USP32: variants seen among roughly 807,000 people sequenced by gnomAD.
The protein encoded by USP32 is ubiquitin specific peptidase 32.
USP32 carries 59 observed loss-of-function variants against 204.8 expected under a neutral mutation model. That is an observed-to-expected ratio of 0.29 (90% CI 0.23 to 0.36). USP32 has a LOEUF of 0.36. USP32 is among the 10% of genes least tolerant of loss of function. The pLI is 1.00. For synonymous variants in USP32, 517 were observed against 678.4 expected, an observed-to-expected ratio of 0.76 and a Z score of 3.70; for missense variants, 1,160 against 1,946.4, an observed-to-expected ratio of 0.60 and a Z score of 7.60.
At chr17:60,353,817 G>A (rs1214729393) in intron 1 of USP32, among the ~76,000 whole-genome samples, 2 of 152,208 alleles carry the variant, frequency 1.3e-5, no homozygotes, top group Non-Finnish European at 2.9e-5. Context: ...AGAACTCACT[G>A]TCCATGAAAG....
chr17:60,376,803 G>A (rs1379013747), intron 1 of USP32, among the ~76,000 whole-genome samples: 1 of 151,944 alleles, frequency 6.6e-6, no homozygotes, highest in African/African-American at 2.4e-5. Context: ...ATTACAGGTT[G>A]AGCCACCACA....
chr17:60,209,440 C>A lies in USP32; in HGVS notation c.2528G>T (p.Arg843Leu). 1 of 1,588,302 alleles carries A rather than the reference C, an allele frequency of 6.3e-7. No individual in the cohort carries two copies. The highest frequency in any genetic ancestry group is 8.5e-7 in the Non-Finnish European group (1 of 1,170,504). ...TTCCACATATGGCTTTTCATGGACT[C>A]GATTAAGATCTTCATGAAGACCATC... ...LLDGLHEDLN[R>L]VHEKPYVELK... Residue 843 changes from arginine to leucine, a missense_variant, in exon 22 of 34, where the codon CGA becomes CTA. Around this residue, in one of 8 missense-constraint regions of USP32, gnomAD observed 132 missense variants for 432.8 expected, o/e 0.30. Transcript: ENST00000300896.
intron 1 of USP32, among the ~76,000 whole-genome samples, chr17:60,413,989 T>C (rs548645488): frequency 1.1e-4 from 17 of 152,174 alleles, no homozygotes; most frequent in Non-Finnish European, 2.2e-4. Context: ...CAGTCCTCTG[T>C]TCCCCCTTAT....
chr17:60,179,375 C>T lies in USP32; in HGVS notation c.4695G>A (p.Glu1565=). The change falls in exon 34 of 34, where the codon GAG becomes GAA. Residue 1565 remains glutamate (E), a synonymous_variant. Coordinates refer to ENST00000300896, the MANE Select transcript of USP32 (RefSeq NM_032582.4). Reference sequence around the variant, plus strand: ...ATTGTGCATAGTCTATCCCCTGCTGCTCATAGAAAAGAATGTAGGCAGAGT... The same window carrying T: ...ATTGTGCATAGTCTATCCCCTGCTGTTCATAGAAAAGAATGTAGGCAGAGT... The part of the protein sequence containing the change: ...DTDSAYILFY[E]QQGIDYAQFL... 2 of 1,613,306 alleles carry T rather than the reference C, an allele frequency of 1.2e-6. No homozygotes were observed. The highest frequency in any genetic ancestry group is 1.7e-6 in the Non-Finnish European group (2 of 1,179,856).
chr17:60,231,576 G>A (rs1001103471), intron 12 of USP32: 4 of 518,112 alleles, frequency 7.7e-6, no homozygotes, highest in Middle Eastern at 3.2e-4. Flanking sequence ...GACGATCCTC[G>A]AGGGCTGCTC....
intron 28 of USP32, among the ~76,000 whole-genome samples, chr17:60,191,887 C>G (rs1251808583): frequency 6.6e-6 from 1 of 152,156 alleles, no homozygotes; most frequent in African/African-American, 2.4e-5. Context: ...GGCACTTTCC[C>G]TGTTGTAACA....
chr17:60,413,134 AT>A (rs2143091089), intron 1 of USP32, among the ~76,000 whole-genome samples: 1 of 152,336 alleles, frequency 6.6e-6, no homozygotes, highest in African/African-American at 2.4e-5. Flanking sequence ...AGTACAAAAC[AT>A]TTTTGAAAAC....
intron 11 of USP32, among the ~76,000 whole-genome samples, chr17:60,247,176 C>T (rs1220120462): frequency 6.6e-6 from 1 of 151,266 alleles, no homozygotes; most frequent in Non-Finnish European, 1.5e-5. Flanking sequence ...TCTTTGAATC[C>T]ATTTTCTTTT....
intron 5 of USP32, among the ~76,000 whole-genome samples, chr17:60,281,400 C>G (rs575176868): frequency 6.6e-6 from 1 of 151,900 alleles, no homozygotes; most frequent in East Asian, 1.9e-4. Flanking sequence ...TAGCCAGGCG[C>G]GGTAGCAGGC....
In USP32 at chr17:60,366,147, TTTTTTTC is replaced by T. The variant is rs577658277; in HGVS notation, c.59-20546_59-20540del. 4.9e-4 allele frequency among the ~76,000 whole-genome samples: 74 copies of T among 151,194 alleles called. No individual in the cohort carries two copies. The East Asian group carries it at 8.4e-3, about 17-fold the overall frequency. On this transcript the variant is annotated intron_variant, in intron 1 of 33. Coordinates refer to ENST00000300896, the MANE Select transcript of USP32 (RefSeq NM_032582.4). ...CATGTGACACCACGCCGGGCTAAGT[TTTTTTTC>T]TTTTTTCTTTTTTCTTTTTTTTGAG... is the stretch of plus-strand genomic sequence containing the variant.
chr17:60,413,876 G>GAAAAAAAAA (rs753405307), intron 1 of USP32, among the ~76,000 whole-genome samples: 9 of 95,102 alleles, frequency 9.5e-5, no homozygotes, highest in African/African-American at 1.5e-4. Flanking sequence ...AAAAAAAAAA[G>GAAAAAAAAA]AAAAAAAAAA....
At chr17:60,349,607 ATATATATATATATATAT>A (rs1303435755) in intron 1 of USP32, among the ~76,000 whole-genome samples, 1,651 of 70,134 alleles carry the variant, frequency 0.024, 20 homozygotes, top group African/African-American at 0.066. Flanking sequence ...ATATATATAT[ATATATATATATATATAT>A]TATATATATA....
At chr17:60,234,176 C>T (rs1460937886) in intron 12 of USP32, among the ~76,000 whole-genome samples, 9 of 150,720 alleles carry the variant, frequency 6.0e-5, no homozygotes, top group Admixed American at 4.6e-4. Flanking sequence ...TGCAGTGACG[C>T]GATCTCGGCT....
chr17:60,282,684 T>C (rs981053871), intron 5 of USP32, among the ~76,000 whole-genome samples: 1 of 152,196 alleles, frequency 6.6e-6, no homozygotes, highest in African/African-American at 2.4e-5. Context: ...AACATCCCCA[T>C]GCTATGAAGT....
At position 60,399,483 on chromosome 17, in the gene USP32, T is replaced by C. The variant is rs111232092; in HGVS notation, c.106+22763A>G. Among the ~76,000 whole-genome samples, 140 of 151,872 alleles carry C rather than the reference T, an allele frequency of 9.2e-4. 1 individual carries two copies. Among genetic ancestry groups the C allele is most frequent in the African/African-American group, 3.2e-3 (131 of 41,414 alleles). ...CAGCCTGGGAAACATAGCAAGAGCC[T>C]GTCTCTACAAAAAAATTTAAAAAAA... On this transcript the variant is annotated intron_variant, in intron 1 of 3. Coordinates refer to the USP32 transcript ENST00000588898.
intron 5 of USP32, among the ~76,000 whole-genome samples, chr17:60,286,136 CAAAA>C (rs1170911336): frequency 1.2e-5 from 1 of 84,198 alleles, no homozygotes; most frequent in Non-Finnish European, 2.8e-5. Flanking sequence ...ACAGTGTGTC[CAAAA>C]AAAAAAAAAA....
chr17:60,365,323 A>C (rs953370572), intron 1 of USP32, among the ~76,000 whole-genome samples: 1 of 151,984 alleles, frequency 6.6e-6, no homozygotes, highest in Non-Finnish European at 1.5e-5. Flanking sequence ...TAATGAAAAA[A>C]TATAAAAATT....
intron 9 of USP32, among the ~76,000 whole-genome samples, chr17:60,264,857 CAA>C (rs34027846): frequency 1.1e-4 from 5 of 43,516 alleles, no homozygotes; most frequent in Middle Eastern, 0.013. Flanking sequence ...AAGACTCTGT[CAA>C]AAAAAAAAAA....
chr17:60,180,942 G>A (rs997748944), intron 32 of USP32, among the ~76,000 whole-genome samples: 2 of 151,656 alleles, frequency 1.3e-5, no homozygotes, highest in Non-Finnish European at 1.5e-5. Flanking sequence ...GGGTGCAGTC[G>A]AGTGATCACA....
Sources: gnomAD v4.1 joint callset for allele counts (sites outside exome capture counted in the v4.1 genomes callset) on GRCh38, gnomAD v4.1.1 for gene constraint, gnomAD v4.1.1 regional missense constraint, MANE v1.5 for transcripts, NCBI Gene and HGNC (gene_info 2026-07-23, HGNC 2026-07-21) for gene names.